Variants in VWA3B observed in about 807,000 individuals in gnomAD.
VWA3B encodes the protein von Willebrand factor A domain-containing protein 3B.
Under a neutral mutation model 158.3 loss-of-function variants are expected in VWA3B, and 138 were observed. The observed-to-expected ratio is 0.87, with a 90% CI of 0.76 to 1.00. VWA3B has a LOEUF of 1.00. VWA3B is among the 50% of genes least tolerant of loss of function. The pLI is 0.00. For synonymous variants in VWA3B, 596 were observed against 587.3 expected (o/e 1.01, Z -0.21); for missense variants, 1,555 against 1,565.1 (o/e 0.99, Z 0.11).
chr2:98,194,646 GTTAATCCAATCTCA>G (rs1681889693), intron 12 of VWA3B, among the ~76,000 whole-genome samples, 154 bp downstream of exon 12: 1 of 152,102 alleles, frequency 6.6e-6, no homozygotes, highest in African/African-American at 2.4e-5. Flanking sequence ...CAGTGGTCAC[GTTAATCCAATCTCA>G]TTTTGTCAAT....
intron 11 of VWA3B, 137 bp downstream of exon 11, chr2:98,193,173 A>AATCATC: frequency 8.6e-7 from 1 of 1,163,650 alleles, no homozygotes; most frequent in Non-Finnish European, 1.2e-6. Context: ...TTAGTTAAAG[A>AATCATC]ATCATCAGTT....
chr2:98,217,431 G>A (rs1192305102), intron 13 of VWA3B, among the ~76,000 whole-genome samples: 1 of 152,164 alleles, frequency 6.6e-6, no homozygotes, highest in Non-Finnish European at 1.5e-5. Flanking sequence ...CACATGGGAA[G>A]ACCTTTAATA....
At chr2:98,322,241 G>C in the VWA3B span, among the ~76,000 whole-genome samples, 1 of 152,188 alleles carries the variant, frequency 6.6e-6, no homozygotes, top group South Asian at 2.1e-4. Context: ...AGCTGCTGGA[G>C]AGTTTATTCT....
chr2:98,206,895 G>A, intron 12 of VWA3B: 1 of 420,050 alleles, frequency 2.4e-6, no homozygotes, highest in South Asian at 1.8e-5. Flanking sequence ...ATTATGAAAT[G>A]ACTGAGTCTG....
At chr2:98,266,160 G>C (rs1439682908) in intron 21 of VWA3B, among the ~76,000 whole-genome samples, 148 of 149,844 alleles carry the variant, frequency 9.9e-4, no homozygotes, top group African/African-American at 3.5e-3. Flanking sequence ...TTTTCTTCTA[G>C]GGTTTTTATG....
chr2:98,311,008 C>T (rs1192488921), intron 26 of VWA3B, among the ~76,000 whole-genome samples: 5 of 152,054 alleles, frequency 3.3e-5, no homozygotes, highest in Admixed American at 2.6e-4. Context: ...CAAAAGGATC[C>T]GAAGCAGTAA....
At chr2:98,271,390 A>G (rs1294351830) in intron 22 of VWA3B, among the ~76,000 whole-genome samples, 1 of 152,240 alleles carries the variant, frequency 6.6e-6, no homozygotes, top group Non-Finnish European at 1.5e-5. Flanking sequence ...CAAACCTTCT[A>G]GAAAGAAAAA....
At chr2:98,208,222 A>G (rs900139625) in intron 12 of VWA3B, among the ~76,000 whole-genome samples, 3 of 151,776 alleles carry the variant, frequency 2.0e-5, no homozygotes, top group Admixed American at 6.6e-5. Context: ...CGTTTTTTCC[A>G]TCCTTTTACC....
At chr2:98,322,884 C>T in the VWA3B span, among the ~76,000 whole-genome samples, 2 of 152,096 alleles carry the variant, frequency 1.3e-5, no homozygotes, top group Admixed American at 6.5e-5. Context: ...ATGTGAACTC[C>T]TTCATATTAC....
the VWA3B span, among the ~76,000 whole-genome samples, chr2:98,327,631 T>C: frequency 6.6e-6 from 1 of 152,154 alleles, no homozygotes; most frequent in Non-Finnish European, 1.5e-5. Context: ...ATACAAACTT[T>C]CAGGAAAACA....
intron 19 of VWA3B, among the ~76,000 whole-genome samples, chr2:98,240,092 C>T (rs558450450): frequency 6.6e-6 from 1 of 152,100 alleles, no homozygotes; most frequent in East Asian, 1.9e-4. Flanking sequence ...CTTCTCTCAC[C>T]ACTACGCCTA....
chr2:98,307,215 T>G (rs1229520293), intron 26 of VWA3B, among the ~76,000 whole-genome samples: 1 of 152,242 alleles, frequency 6.6e-6, no homozygotes, highest in Non-Finnish European at 1.5e-5. Context: ...TTATACTTTC[T>G]GCAGAAAGGG....
chr2:98,146,253 G>A (rs532267004), intron 7 of VWA3B, among the ~76,000 whole-genome samples: 13 of 152,060 alleles, frequency 8.5e-5, no homozygotes, highest in East Asian at 3.9e-4. Flanking sequence ...GCTCTTTTCC[G>A]CATAAGTTTC....
At chr2:98,195,645 A>G (rs1254524759) in intron 12 of VWA3B, among the ~76,000 whole-genome samples, 1 of 151,984 alleles carries the variant, frequency 6.6e-6, no homozygotes, top group African/African-American at 2.4e-5. Context: ...CTCAGAGCCT[A>G]CTAATTTAGG....
chr2:98,151,872 C>T (rs553565365), intron 7 of VWA3B, among the ~76,000 whole-genome samples: 2 of 152,044 alleles, frequency 1.3e-5, no homozygotes, highest in Admixed American at 1.3e-4. Context: ...TTTTTTTCTT[C>T]TTGGGATTCC....
At chr2:98,258,057 C>T (rs72817791) in intron 21 of VWA3B, among the ~76,000 whole-genome samples, 20,346 of 151,732 alleles carry the variant, frequency 0.13, 2,086 homozygotes, top group Non-Finnish European at 0.2. Flanking sequence ...AGGGTTCCAA[C>T]TTCATTCTTT....
intron 22 of VWA3B, among the ~76,000 whole-genome samples, chr2:98,277,180 T>A (rs774063959): frequency 2.6e-5 from 4 of 152,182 alleles, no homozygotes; most frequent in Non-Finnish European, 5.9e-5. Context: ...TCCCTGGAGA[T>A]GGCCACTTGG....
chr2:98,246,444 C>T (rs1035582103), intron 19 of VWA3B, among the ~76,000 whole-genome samples: 2 of 152,096 alleles, frequency 1.3e-5, no homozygotes, highest in Non-Finnish European at 2.9e-5. Context: ...GTGGTGCAAT[C>T]TCGGCTCACT....
At chr2:98,285,966 A>G (rs1202102750) in intron 22 of VWA3B, among the ~76,000 whole-genome samples, 1 of 152,074 alleles carries the variant, frequency 6.6e-6, no homozygotes, top group Non-Finnish European at 1.5e-5. Context: ...GATATTTTTT[A>G]GTTTTGAGTG....
Sources: gnomAD v4.1 joint callset for allele counts (sites outside exome capture counted in the v4.1 genomes callset) on GRCh38, gnomAD v4.1.1 for gene constraint, MANE v1.5 for transcripts, NCBI Gene and HGNC (gene_info 2026-07-23, HGNC 2026-07-21) for gene names.